PCYOX1: variants seen among roughly 807,000 people sequenced by gnomAD.
PCYOX1 encodes the protein prenylcysteine lyase.
Under a neutral mutation model 46.4 loss-of-function variants are expected in PCYOX1, and 46 were observed. The observed-to-expected ratio is 0.99, with a 90% confidence interval of 0.78 to 1.27. The LOEUF is 1.27. Among genes scored for constraint, PCYOX1 ranks in the 50% most tolerant of loss-of-function variants. PCYOX1 has a pLI of 0.00. For missense variants in PCYOX1, 658 were observed against 628.3 expected, an observed-to-expected ratio of 1.05 and a Z score of -0.51; for synonymous variants, 220 against 231.8, an observed-to-expected ratio of 0.95 and a Z score of 0.46.
chr2:70,264,278 T>TA (rs1045940790), intron 3 of PCYOX1, among the ~76,000 whole-genome samples: 2 of 151,312 alleles, frequency 1.3e-5, no homozygotes, highest in East Asian at 2.0e-4. Flanking sequence ...TTTTTTTTTT[T>TA]ATCTGTGGCT....
rs1559038989 is a variant in PCYOX1, at chr2:70,278,874, T to C, written c.*1482T>C. On this transcript the variant is annotated 3_prime_UTR_variant, in exon 6 of 6. Coordinates refer to ENST00000433351, the MANE Select transcript of PCYOX1 (RefSeq NM_016297.4). ...GCAACCAATTTAACATGTAGTGTTA[T>C]TAAAAAATTACAAAGGCCTAGACCA... The C allele has an allele frequency of 6.6e-6, 1 of 152,164 alleles. No individual in the cohort carries two copies. The highest frequency in any genetic ancestry group is 2.4e-5 in the African/African-American group (1 of 41,430). The allele number at this position is 152,164 out of a possible 1,614,324, so 9.4% of individuals were successfully genotyped here.
Position 70,259,562 on chromosome 2 carries a change from C to A in PCYOX1, c.315C>A (p.Asp105Glu). 6.2e-7 allele frequency: 1 copy of A among 1,611,674 alleles called. No individual in the cohort carries two copies. Among genetic ancestry groups the A allele is most frequent in the Non-Finnish European group, 8.5e-7 (1 of 1,178,016 alleles). Residue 105 changes from aspartate to glutamate, a missense_variant, in exon 2 of 6, where the codon GAC becomes GAA. By Grantham distance (45) the Asp-to-Glu change is conservative. Transcript: ENST00000433351. ...LNLHMKRFVK[D>E]LGLSAVQASG... ...TGCACATGAAACGTTTTGTCAAAGA[C>A]CTGGGTATGTAATTTTGGTCTTGGA...
intron 3 of PCYOX1, among the ~76,000 whole-genome samples, chr2:70,261,955 C>T (rs1370414813): frequency 2.0e-5 from 3 of 152,164 alleles, no homozygotes; most frequent in Non-Finnish European, 4.4e-5. Flanking sequence ...TTCCATATTC[C>T]AAGAATTTAC....
upstream of PCYOX1, chr2:70,258,103 A>C: frequency 7.4e-7 from 1 of 1,358,250 alleles, no homozygotes; most frequent in Non-Finnish European, 1.0e-6. Context: ...CGGAGCGCGC[A>C]GCCGCGCAGC....
rs779530395 is a variant in PCYOX1, at chr2:70,258,196, C to T, written c.32C>T (p.Ser11Leu). 5 of 1,598,616 alleles carry T rather than the reference C, an allele frequency of 3.1e-6. No individual in the cohort carries two copies. Among genetic ancestry groups the T allele is most frequent in the Non-Finnish European group, 3.4e-6 (4 of 1,176,482 alleles). Reference protein sequence around the residue: MGRVVAELVSSLLGLWLLLCS... With the variant: MGRVVAELVSLLLGLWLLLCS... ...CGCGTCGTCGCGGAGCTCGTCTCCTCGCTGCTGGGGTTGTGGCTGTTGCTG... is the reference window on the plus strand; with the variant it reads ...CGCGTCGTCGCGGAGCTCGTCTCCTTGCTGCTGGGGTTGTGGCTGTTGCTG... Residue 11 changes from serine (S) to leucine (L), a missense_variant, in exon 1 of 6, where the codon TCG becomes TTG. Ser to Leu is a moderately radical substitution (Grantham distance 145). Transcript: ENST00000433351.
In PCYOX1 at chr2:70,258,282, C is replaced by G; in HGVS notation, c.112+6C>G. 6.4e-7 allele frequency: 1 copy of G among 1,568,400 alleles called. No individual in the cohort carries two copies. Among genetic ancestry groups the G allele is most frequent in the East Asian group, 2.4e-5 (1 of 42,070 alleles). ...TGCTCCGCCAGATAAAATCGGTAGG[C>G]GAGAAGGGGGCGGCGCGGGAAGGTG... On this transcript the variant is annotated splice_donor_region_variant and intron_variant, in intron 1 of 5. Transcript: ENST00000433351.
At position 70,277,063 on chromosome 2, in the gene PCYOX1, C is replaced by T; in HGVS notation, c.1189C>T (p.Pro397Ser). ...TGTGAGAGAAAAGGAAGATCCTGAG[C>T]CATCAACAGATGGAACATATGTTTG... The part of the protein sequence containing the change: ...PSVREKEDPE[P>S]STDGTYVWKI... The change falls in exon 6 of 6, where the codon CCA becomes TCA. Residue 397 changes from proline to serine, a missense_variant. Coordinates refer to ENST00000433351, the MANE Select transcript of PCYOX1 (RefSeq NM_016297.4). 1 of 1,612,670 alleles carries T rather than the reference C, an allele frequency of 6.2e-7. No individual in the cohort carries two copies. Among genetic ancestry groups the T allele is most frequent in the Non-Finnish European group, 8.5e-7 (1 of 1,178,694 alleles).
chr2:70,268,217 A>G (rs1282969394), intron 3 of PCYOX1, among the ~76,000 whole-genome samples: 1 of 152,116 alleles, frequency 6.6e-6, no homozygotes, highest in East Asian at 1.9e-4. Context: ...TATTGCTACC[A>G]TTTGTTCTCA....
chr2:70,258,573 G>A (rs1485139372), intron 1 of PCYOX1: 3 of 317,828 alleles, frequency 9.4e-6, no homozygotes, highest in Non-Finnish European at 1.2e-5. Context: ...TCTCTTAGGT[G>A]TGGGGCTCCG....
rs375079468 is a variant in PCYOX1 at position 70,258,648 on chromosome 2, T to G, written c.112+372T>G. Among the ~76,000 whole-genome samples, 11 of 152,312 alleles carry G rather than the reference T, an allele frequency of 7.2e-5. No homozygotes were observed. In the East Asian group the frequency reaches 1.5e-3, roughly 21 times the overall value. ...CCGTGAAGACTCCAGTGTTCTGGCT[T>G]GACCTGGGGCGCCCGGCCAGATTAA... On this transcript the variant is annotated intron_variant, in intron 1 of 5. Coordinates refer to ENST00000433351, the MANE Select transcript of PCYOX1 (RefSeq NM_016297.4).
intron 3 of PCYOX1, 39 bp from the exon 4 acceptor site, chr2:70,274,920 C>T (rs760003520): frequency 1.7e-5 from 21 of 1,246,832 alleles, no homozygotes; most frequent in Non-Finnish European, 2.1e-5. Context: ...TTCCCCACAT[C>T]TTGTTTGGTA....
intron 4 of PCYOX1, 27 bp from the exon 5 acceptor site, chr2:70,275,486 TA>T (rs755164314): frequency 3.1e-5 from 50 of 1,610,714 alleles, no homozygotes; most frequent in Non-Finnish European, 4.2e-5. Flanking sequence ...AAGTCAGAAT[TA>T]AAACACATTT....
chr2:70,280,405 G>A lies in PCYOX1; in HGVS notation c.*3013G>A, dbSNP rs1478977733. 1 of 152,046 alleles carries A rather than the reference G, an allele frequency of 6.6e-6. No homozygotes were observed. The highest frequency in any genetic ancestry group is 1.5e-5 in the Non-Finnish European group (1 of 68,032). The allele number at this position is 152,046 out of a possible 1,614,324, so 9.4% of individuals were successfully genotyped here. On this transcript the variant is annotated 3_prime_UTR_variant, in exon 6 of 6. Transcript: ENST00000433351. ...AAGAGACTGGTAAAAATGATGCAGG[G>A]GCTGAATGAAAGCCAGCTCTGCTCC... is the stretch of plus-strand genomic sequence containing the variant.
rs140968155 is a variant in PCYOX1, at chr2:70,277,288, A to G, written c.1414A>G (p.Ile472Val). 1 of 1,614,142 alleles carries G rather than the reference A, an allele frequency of 6.2e-7. No homozygotes were observed. Among genetic ancestry groups the G allele is most frequent in the African/African-American group, 1.3e-5 (1 of 75,062 alleles). Residue 472 changes from isoleucine (I) to valine (V), a missense_variant, in exon 6 of 6, where the codon ATT (isoleucine) becomes GTT (valine). Transcript: ENST00000433351. ...AGCAAGTGCCATGGAGATGAGTGCC[A>G]TTGCAGCCCACAACGCTGCACTCCT... ...CAASAMEMSAIAAHNAALLAY... is the reference protein window; with the variant it reads ...CAASAMEMSAVAAHNAALLAY...
chr2:70,270,160 A>C (rs763566904), intron 3 of PCYOX1, among the ~76,000 whole-genome samples: 3 of 151,794 alleles, frequency 2.0e-5, no homozygotes, highest in African/African-American at 4.8e-5. Flanking sequence ...ACACCTGGCT[A>C]ATTTTTTATA....
chr2:70,269,598 A>G (rs555850809), intron 3 of PCYOX1, among the ~76,000 whole-genome samples: 4 of 152,180 alleles, frequency 2.6e-5, no homozygotes, highest in South Asian at 2.1e-4. Context: ...GTGCCTCCCA[A>G]TGTGCTGGGA....
rs1696689590 is a variant in PCYOX1, at chr2:70,277,455, A to G, written c.*63A>G. ...ACTATCAGTGGCAAAAAAGAACAAA[A>G]TCTGAGCAGAGATGATTTTGAACCA... On this transcript the variant is annotated 3_prime_UTR_variant, in exon 6 of 6. Coordinates refer to ENST00000433351, the MANE Select transcript of PCYOX1 (RefSeq NM_016297.4). The G allele has an allele frequency of 7.9e-7, 1 of 1,269,748 alleles. No individual in the cohort carries two copies. The highest frequency in any genetic ancestry group is 1.1e-6 in the Non-Finnish European group (1 of 904,714). The allele number at this position is 1,269,748 out of a possible 1,614,324, so 78.7% of individuals were successfully genotyped here. A position where few individuals can be genotyped will look rare whatever the true frequency, so the allele number is the denominator to read the frequency against.
At chr2:70,261,888 A>G (rs1284844730) in intron 3 of PCYOX1, among the ~76,000 whole-genome samples, 1 of 152,202 alleles carries the variant, frequency 6.6e-6, no homozygotes, top group Non-Finnish European at 1.5e-5. Flanking sequence ...GAAAACTTAA[A>G]TGGCCTTTAA....
chr2:70,267,775 C>T (rs1032388427), intron 3 of PCYOX1, among the ~76,000 whole-genome samples: 28 of 123,388 alleles, frequency 2.3e-4, no homozygotes, highest in African/African-American at 6.6e-4. Flanking sequence ...AGAGGGAGAC[C>T]GTGGAGAGGG....
Sources: gnomAD v4.1 joint callset for allele counts (sites outside exome capture counted in the v4.1 genomes callset) on GRCh38, gnomAD v4.1.1 for gene constraint, MANE v1.5 for transcripts, NCBI Gene and HGNC (gene_info 2026-07-23, HGNC 2026-07-21) for gene names.